Variants in STARD13 observed in about 807,000 individuals in gnomAD.
The protein encoded by STARD13 is StAR related lipid transfer domain containing 13, also known as stAR-related lipid transfer protein 13.
A neutral mutation model predicts 106.4 loss-of-function variants in STARD13; 62 were observed. The ratio of observed to expected loss-of-function variants is 0.58; its 90% CI spans 0.48 to 0.72. STARD13 has a LOEUF of 0.72. Ranked by LOEUF, STARD13 falls within the 30% of genes least tolerant of loss-of-function variation. STARD13 has a pLI of 0.00. For synonymous variants in STARD13, 565 were observed against 553.0 expected (o/e 1.02, Z -0.31); for missense variants, 1,387 against 1,424.0 (o/e 0.97, Z 0.42).
chr13:33,219,764 C>G (rs1219977743), intron 1 of STARD13, among the ~76,000 whole-genome samples: 1 of 138,814 alleles, frequency 7.2e-6, no homozygotes, highest in Non-Finnish European at 1.5e-5. Flanking sequence ...GATCACGCCA[C>G]TGTACTCCAC....
intron 1 of STARD13, among the ~76,000 whole-genome samples, chr13:33,193,930 A>C (rs937262679): frequency 6.6e-6 from 1 of 152,214 alleles, no homozygotes; most frequent in Non-Finnish European, 1.5e-5. Context: ...CTGATAACTA[A>C]GTGTAATAGG....
At chr13:33,654,593 A>G in the STARD13 span, 1 of 152,230 alleles carries the variant, frequency 6.6e-6, no homozygotes, top group Non-Finnish European at 1.5e-5. Flanking sequence ...TGAATTGTAC[A>G]CTTTAAAAGA....
the STARD13 span, among the ~76,000 whole-genome samples, chr13:33,452,334 G>T: frequency 1.3e-5 from 2 of 151,994 alleles, no homozygotes; most frequent in African/African-American, 4.8e-5. Flanking sequence ...CTGGAGCTGG[G>T]GGCAGTTGTG....
intron 1 of STARD13, chr13:33,274,062 A>G (rs1248733230): frequency 6.6e-6 from 1 of 150,830 alleles, no homozygotes; most frequent in East Asian, 2.0e-4. Context: ...CATGCTGGTA[A>G]GCAGAGGCAT....
intron 1 of STARD13, among the ~76,000 whole-genome samples, chr13:33,264,898 T>C (rs948731723): frequency 6.6e-6 from 1 of 152,160 alleles, no homozygotes; most frequent in Non-Finnish European, 1.5e-5. Flanking sequence ...CAACCCGTCT[T>C]GATGAAGAGA....
the STARD13 span, among the ~76,000 whole-genome samples, chr13:33,616,514 C>A: frequency 6.6e-6 from 1 of 152,194 alleles, no homozygotes; most frequent in Non-Finnish European, 1.5e-5. Context: ...TATCCTTCTA[C>A]CCATCCATGT....
At chr13:33,605,140 G>A in the STARD13 span, among the ~76,000 whole-genome samples, 3 of 150,984 alleles carry the variant, frequency 2.0e-5, no homozygotes, top group African/African-American at 7.3e-5. Context: ...TTGGGAGCCT[G>A]AGGTGGAAGG....
At chr13:33,315,388 A>G (rs1893290318) in intron 1 of STARD13, among the ~76,000 whole-genome samples, 1 of 152,196 alleles carries the variant, frequency 6.6e-6, no homozygotes, top group Admixed American at 6.5e-5. Context: ...GGGATTCAAA[A>G]TTAAAGAGCA....
At chr13:33,545,455 C>G in the STARD13 span, among the ~76,000 whole-genome samples, 1 of 152,170 alleles carries the variant, frequency 6.6e-6, no homozygotes, top group Non-Finnish European at 1.5e-5. Flanking sequence ...ACTAATGAAG[C>G]AGGCAGAGAA....
At chr13:33,475,241 T>A in the STARD13 span, among the ~76,000 whole-genome samples, 3 of 152,174 alleles carry the variant, frequency 2.0e-5, no homozygotes, top group South Asian at 6.2e-4. Flanking sequence ...GAATATCAGT[T>A]TATTCTTAAG....
chr13:33,152,238 G>A (rs2138285335), intron 3 of STARD13, among the ~76,000 whole-genome samples: 1 of 152,308 alleles, frequency 6.6e-6, no homozygotes, highest in East Asian at 1.9e-4. Context: ...CAGAGATGTA[G>A]GAGTCGACAA....
intron 1 of STARD13, among the ~76,000 whole-genome samples, chr13:33,270,923 A>G (rs1174781130): frequency 6.6e-6 from 1 of 152,046 alleles, no homozygotes; most frequent in Non-Finnish European, 1.5e-5. Flanking sequence ...CCCAAAATTA[A>G]CCTTTTCTCC....
intron 1 of STARD13, among the ~76,000 whole-genome samples, chr13:33,338,884 C>CAAA (rs748411311): frequency 1.2e-4 from 15 of 120,222 alleles, no homozygotes; most frequent in African/African-American, 2.7e-4. Flanking sequence ...GACTCCGTCT[C>CAAA]AAAAAAAAAA....
At chr13:33,514,055 G>A in the STARD13 span, among the ~76,000 whole-genome samples, 3 of 152,128 alleles carry the variant, frequency 2.0e-5, no homozygotes, top group Non-Finnish European at 4.4e-5. Context: ...AATTAACTAA[G>A]TTAACCCATT....
the STARD13 span, among the ~76,000 whole-genome samples, chr13:33,553,039 T>A: frequency 6.6e-6 from 1 of 152,130 alleles, no homozygotes; most frequent in Non-Finnish European, 1.5e-5. Context: ...TTAAACAAAA[T>A]AAGAAATAAA....
the STARD13 span, among the ~76,000 whole-genome samples, chr13:33,673,859 C>CT: frequency 2.9e-4 from 42 of 145,710 alleles, no homozygotes; most frequent in South Asian, 6.6e-4. Flanking sequence ...CTCTTTTACT[C>CT]TTTTTTTTTT....
At chr13:33,215,119 T>TGGTG (rs1887957791) in intron 1 of STARD13, among the ~76,000 whole-genome samples, 1 of 75,568 alleles carries the variant, frequency 1.3e-5, no homozygotes, top group African/African-American at 5.1e-5. Context: ...AATGAGTACT[T>TGGTG]GGGGGGGGGG....
intron 1 of STARD13, chr13:33,185,881 G>A (rs766882569): frequency 5.0e-5 from 81 of 1,613,830 alleles, no homozygotes; most frequent in Admixed American, 2.0e-4. Context: ...CACTTACCCC[G>A]GCGCTGGAAT....
chr13:33,543,236 C>T, the STARD13 span, among the ~76,000 whole-genome samples: 1 of 152,110 alleles, frequency 6.6e-6, no homozygotes, highest in Non-Finnish European at 1.5e-5. Context: ...TTGGCCTCTG[C>T]TGTAAAAGCT....
Sources: allele counts gnomAD v4.1 joint callset (sites outside exome capture counted in the v4.1 genomes callset), GRCh38; gene constraint gnomAD v4.1.1; transcripts MANE v1.5; gene names NCBI Gene and HGNC (gene_info 2026-07-23, HGNC 2026-07-21).